Variants in SH3GL1 observed in about 807,000 individuals in gnomAD.
SH3GL1 encodes the protein SH3 domain containing GRB2 like 1, endophilin A2.
SH3GL1 carries 21 observed loss-of-function variants against 48.8 expected under a neutral mutation model. That is an observed-to-expected ratio of 0.43 (90% CI 0.30 to 0.62). The LOEUF (loss-of-function observed/expected upper bound fraction) is 0.62, where lower values mean the gene tolerates loss of function less well. SH3GL1 is among the 20% of genes least tolerant of loss of function. The pLI, the probability that SH3GL1 is intolerant of heterozygous loss-of-function variation, is 0.11. For synonymous variants in SH3GL1, 282 were observed against 217.5 expected (o/e 1.30, Z -2.61); for missense variants, 454 against 503.0 (o/e 0.90, Z 0.93).
chr19:4,397,294 T>C (rs1438851987), intron 1 of SH3GL1, among the ~76,000 whole-genome samples: 7 of 152,206 alleles, frequency 4.6e-5, no homozygotes, highest in Admixed American at 4.6e-4. Context: ...CATTGTGCTT[T>C]GGGACTAGGC....
At chr19:4,363,947 C>T (rs1972699643) in intron 5 of SH3GL1, 69 bp from the exon 6 acceptor site, 4 of 1,607,788 alleles carry the variant, frequency 2.5e-6, no homozygotes, top group Non-Finnish European at 8.5e-7. Context: ...GGCTTTGACC[C>T]ACTGTCCCTG....
chr19:4,383,974 G>C (rs1973187450), intron 1 of SH3GL1, among the ~76,000 whole-genome samples: 1 of 152,222 alleles, frequency 6.6e-6, no homozygotes, highest in Admixed American at 6.5e-5. Context: ...CTCTGCACTT[G>C]TCTGCAAAAG....
rs1426168221 is a variant in SH3GL1, at chr19:4,382,825, C to CCACT, written c.46-15835_46-15832dup. The stretch of plus-strand genomic sequence containing the variant: ...AAGCACAGAGTTGGCCAGTACTGAG[C>CCACT]CACTGTTCAGAGGGGAAACACACAG... On this transcript the variant is annotated intron_variant, in intron 1 of 9. Coordinates refer to ENST00000269886, the MANE Select transcript of SH3GL1 (RefSeq NM_003025.4). 2.6e-5 allele frequency among the ~76,000 whole-genome samples: 4 copies of CCACT among 152,270 alleles called. No homozygotes were observed. The East Asian group carries it at 7.7e-4, about 29-fold the overall frequency.
chr19:4,365,382 T>A (rs990469547), intron 4 of SH3GL1, 100 bp downstream of exon 4: 2 of 1,499,314 alleles, frequency 1.3e-6, no homozygotes, highest in Admixed American at 3.4e-5. Context: ...CCACTGTACG[T>A]CCCCGGCACT....
intron 1 of SH3GL1, among the ~76,000 whole-genome samples, chr19:4,370,802 TGAG>T (rs1431108906): frequency 6.6e-6 from 1 of 152,234 alleles, no homozygotes; most frequent in Non-Finnish European, 1.5e-5. Flanking sequence ...GGACCAGGGC[TGAG>T]AAGTCACTAT....
chr19:4,379,492 T>A (rs1427333058), intron 1 of SH3GL1, among the ~76,000 whole-genome samples: 1 of 151,156 alleles, frequency 6.6e-6, no homozygotes, highest in East Asian at 1.9e-4. Flanking sequence ...AAAAGAAGGT[T>A]GGTAGAAAAT....
In SH3GL1 at chr19:4,365,489, G is replaced by A. The variant is rs766188494; in HGVS notation, c.324C>T (p.Ser108=). The A allele has an allele frequency of 6.2e-7, 1 of 1,613,678 alleles. No individual in the cohort carries two copies. Among genetic ancestry groups the A allele is most frequent in the Non-Finnish European group, 8.5e-7 (1 of 1,180,016 alleles). The change falls in exon 4 of 10, where the codon TCC becomes TCT. Residue 108 remains serine (S), a synonymous_variant. Coordinates refer to ENST00000269886, the MANE Select transcript of SH3GL1 (RefSeq NM_003025.4). ...CCAGAGAGCACCACTCACCAAAGTT[G>A]GACTCGCCGCCCAGCTCCTTCCCGT... ...IRHGKELGGE[S]NFGDALLDAG... is the part of the protein sequence containing the mutation.
chr19:4,366,714 T>C, intron 2 of SH3GL1, 141 bp from the exon 3 acceptor site: 1 of 953,028 alleles, frequency 1.0e-6, no homozygotes, highest in Non-Finnish European at 1.7e-6. Flanking sequence ...AGCTCAGCCA[T>C]GTCCCCACAG....
intron 5 of SH3GL1, 57 bp from the exon 6 acceptor site, chr19:4,363,935 A>C (rs944242276): frequency 6.2e-7 from 1 of 1,609,896 alleles, no homozygotes; most frequent in Admixed American, 1.7e-5. Context: ...CGCCCCACGC[A>C]TGGCTTTGAC....
intron 1 of SH3GL1, among the ~76,000 whole-genome samples, chr19:4,396,885 G>A (rs1228551765): frequency 6.6e-6 from 1 of 152,146 alleles, no homozygotes; most frequent in East Asian, 1.9e-4. Context: ...CTGTTTTACA[G>A]GAAGATAAAT....
At chr19:4,388,154 C>T (rs1474827896) in intron 1 of SH3GL1, among the ~76,000 whole-genome samples, 3 of 152,110 alleles carry the variant, frequency 2.0e-5, no homozygotes, top group East Asian at 1.9e-4. Context: ...CCATCGTGTC[C>T]GGCCTATTCC....
chr19:4,395,295 T>A (rs1390822822), intron 1 of SH3GL1, among the ~76,000 whole-genome samples: 3 of 152,144 alleles, frequency 2.0e-5, no homozygotes, highest in African/African-American at 7.2e-5. Flanking sequence ...GAAGGTACTT[T>A]TGAATTAAAG....
Position 4,362,776 on chromosome 19 carries a change from C to G in SH3GL1, c.729-40G>C, listed in dbSNP as rs374859248. 3.1e-4 allele frequency: 497 copies of G among 1,612,270 alleles called. 1 individual carries two copies. Among genetic ancestry groups the G allele is most frequent in the Non-Finnish European group, 3.8e-4 (453 of 1,179,962 alleles). On this transcript the variant is annotated intron_variant, in intron 7 of 9. Transcript: ENST00000269886. ...GCGTGAGTGGACCGAGCCCGTGTCACGGCCGAGGCAGCCCCACTCTTGTAT... is the reference window on the plus strand; with the variant it reads ...GCGTGAGTGGACCGAGCCCGTGTCAGGGCCGAGGCAGCCCCACTCTTGTAT...
Position 4,367,188 on chromosome 19 carries a change from CAGGGGG to C in SH3GL1, c.46-200_46-195del, listed in dbSNP as rs1364493815. 3.9e-5 allele frequency among the ~76,000 whole-genome samples: 6 copies of C among 152,020 alleles called. No homozygotes were observed. The East Asian group carries it at 9.7e-4, about 25-fold the overall frequency. On this transcript the variant is annotated intron_variant, in intron 1 of 9. Coordinates refer to ENST00000269886, the MANE Select transcript of SH3GL1 (RefSeq NM_003025.4). The surrounding 1 kb of genome is among the most constrained non-coding windows in gnomAD (Gnocchi z 4.2). ...CTGCCTGCAGAGCAGGGTGGGCCTG[CAGGGGG>C]AGGGGGAGGGTGGGGGTGGCCTGCC...
intron 5 of SH3GL1, 83 bp from the exon 6 acceptor site, chr19:4,363,961 C>T: frequency 1.2e-6 from 2 of 1,604,982 alleles, no homozygotes; most frequent in African/African-American, 1.3e-5. Flanking sequence ...GTCCCTGCAC[C>T]ACTGGGGATC....
In SH3GL1 at chr19:4,389,403, G is replaced by C. The variant is rs563832044; in HGVS notation, c.45+10921C>G. Among the ~76,000 whole-genome samples, 5 of 150,424 alleles carry C rather than the reference G, an allele frequency of 3.3e-5. No homozygotes were observed. In the South Asian group the frequency reaches 1.1e-3, roughly 32 times the overall value. ...TTCGTTATAGGGCAGACAGGAAGTG[G>C]AGAGAAAATGAGGTTGGGAGGTAGG... On this transcript the variant is annotated intron_variant, in intron 1 of 9. Transcript: ENST00000269886. This position sits in a 1 kb window ranked among gnomAD's most constrained non-coding sequence, Gnocchi z 4.5.
At chr19:4,377,214 G>T (rs1043883981) in intron 1 of SH3GL1, among the ~76,000 whole-genome samples, 1 of 152,208 alleles carries the variant, frequency 6.6e-6, no homozygotes, top group Non-Finnish European at 1.5e-5. Flanking sequence ...TCTTATCCAG[G>T]AGGATGCCCG....
Position 4,367,035 on chromosome 19 carries a change from A to T in SH3GL1, c.46-41T>A. ...GGGGAAACGCTGTGAGCCCAGGGGTAGGAGGAAGAAGAGGACAGGAGGCCC... is the reference window on the plus strand; with the variant it reads ...GGGGAAACGCTGTGAGCCCAGGGGTTGGAGGAAGAAGAGGACAGGAGGCCC... On this transcript the variant is annotated intron_variant, in intron 1 of 9. Coordinates refer to ENST00000269886, the MANE Select transcript of SH3GL1 (RefSeq NM_003025.4). This position sits in a 1 kb window ranked among gnomAD's most constrained non-coding sequence, Gnocchi z 4.2. 1 of 1,588,648 alleles carries T rather than the reference A, an allele frequency of 6.3e-7. No homozygotes were observed. Among genetic ancestry groups the T allele is most frequent in the Non-Finnish European group, 8.6e-7 (1 of 1,156,944 alleles).
chr19:4,383,733 C>T (rs1001203463), intron 1 of SH3GL1, among the ~76,000 whole-genome samples: 2 of 152,154 alleles, frequency 1.3e-5, no homozygotes, highest in Admixed American at 6.5e-5. Context: ...AAATCACCAA[C>T]AAAATCCCAA....
Sources: gnomAD v4.1 joint callset for allele counts (sites outside exome capture counted in the v4.1 genomes callset) on GRCh38, gnomAD v4.1.1 for gene constraint, Gnocchi (gnomAD v3.1) non-coding constraint, MANE v1.5 for transcripts, NCBI Gene and HGNC (gene_info 2026-07-23, HGNC 2026-07-21) for gene names.